Variants in PCSK2 observed in about 807,000 individuals in gnomAD.
PCSK2 encodes proprotein convertase subtilisin/kexin type 2.
PCSK2 carries 14 observed loss-of-function variants against 69.7 expected under a neutral mutation model. The ratio of observed to expected loss-of-function variants is 0.20; its 90% CI spans 0.13 to 0.31. The LOEUF (loss-of-function observed/expected upper bound fraction) is 0.31, where lower values mean the gene tolerates loss of function less well. Ranked by LOEUF, PCSK2 falls within the 10% of genes least tolerant of loss-of-function variation. The probability of loss-of-function intolerance (pLI) is 1.00; values close to 1 mark genes in which losing one functional copy is unlikely to be tolerated. For synonymous variants in PCSK2, 307 were observed against 320.7 expected, an observed-to-expected ratio of 0.96 and a Z score of 0.46; for missense variants, 544 against 842.5, an observed-to-expected ratio of 0.65 and a Z score of 4.39.
rs1177006345 is a variant in PCSK2 at position 17,437,985 on chromosome 20, T to C, written c.885+1102T>C. 2.1e-4 allele frequency among the ~76,000 whole-genome samples: 31 copies of C among 150,040 alleles called. No homozygotes were observed. The South Asian group carries it at 4.2e-3, about 20-fold the overall frequency. On this transcript the variant is annotated intron_variant, in intron 8 of 11. Coordinates refer to ENST00000262545, the MANE Select transcript of PCSK2 (RefSeq NM_002594.5). Reference sequence around the variant, plus strand: ...CTGTCCTGGCTGCCAGGCCAGCAGTTCCCCCCCACCCACACCGTGCTCCCA... The same window carrying C: ...CTGTCCTGGCTGCCAGGCCAGCAGTCCCCCCCCACCCACACCGTGCTCCCA...
intron 6 of PCSK2, among the ~76,000 whole-genome samples, chr20:17,419,707 G>A (rs190055901): frequency 1.8e-4 from 27 of 152,306 alleles, no homozygotes; most frequent in Admixed American, 1.4e-3. Flanking sequence ...TGCAGCCCAC[G>A]TTTTGTCAAT....
chr20:17,325,914 C>T (rs1291016200), intron 2 of PCSK2, among the ~76,000 whole-genome samples: 2 of 152,182 alleles, frequency 1.3e-5, no homozygotes, highest in Admixed American at 6.5e-5. Context: ...CTCAAGCCAC[C>T]AGTGGGCTAG....
At chr20:17,419,895 A>C (rs890484243) in intron 6 of PCSK2, among the ~76,000 whole-genome samples, 1 of 152,252 alleles carries the variant, frequency 6.6e-6, no homozygotes, top group Admixed American at 6.5e-5. Context: ...GGGACGCAGC[A>C]TACTCTATCT....
chr20:17,244,577 C>A (rs1302300416), intron 1 of PCSK2, among the ~76,000 whole-genome samples: 1 of 152,170 alleles, frequency 6.6e-6, no homozygotes, highest in Non-Finnish European at 1.5e-5. Context: ...CCTTTAAATT[C>A]TAGGAGTGGA....
chr20:17,293,197 C>G (rs980612921), intron 2 of PCSK2, among the ~76,000 whole-genome samples: 3 of 152,156 alleles, frequency 2.0e-5, no homozygotes, highest in Non-Finnish European at 4.4e-5. Context: ...TGATTTTCTC[C>G]AGCTTGCTGA....
At chr20:17,271,607 AGAGTGGTGGG>A (rs1987869129) in intron 2 of PCSK2, among the ~76,000 whole-genome samples, 1 of 152,014 alleles carries the variant, frequency 6.6e-6, no homozygotes, top group South Asian at 2.1e-4. Context: ...AACACAACAG[AGAGTGGTGGG>A]GACTGTGGTG....
At position 17,227,246 on chromosome 20, in the gene PCSK2, G is replaced by T; in HGVS notation, c.-60G>T. 8.2e-7 allele frequency: 1 copy of T among 1,221,564 alleles called. No individual in the cohort carries two copies. The allele number at this position is 1,221,564 out of a possible 1,614,324, so 75.7% of individuals were successfully genotyped here. On this transcript the variant is annotated 5_prime_UTR_variant, in exon 1 of 12. Transcript: ENST00000262545. ...AATTCTTTATTTGCACCCTCCCTCC[G>T]AGTCCCCTGCTCCGCCAGCCTGCGC...
upstream of PCSK2, among the ~76,000 whole-genome samples, chr20:17,226,829 C>G (rs1394825514): frequency 4.6e-5 from 6 of 129,632 alleles, no homozygotes; most frequent in Non-Finnish European, 9.5e-5. Flanking sequence ...GCTGCGCCCC[C>G]AGAAGGCGGA....
chr20:17,250,563 T>G (rs970856355), intron 1 of PCSK2, among the ~76,000 whole-genome samples: 3 of 152,214 alleles, frequency 2.0e-5, no homozygotes, highest in Non-Finnish European at 2.9e-5. Context: ...CTATTGGAGA[T>G]GTTTGCCGGC....
At chr20:17,303,204 T>G (rs1989145648) in intron 2 of PCSK2, among the ~76,000 whole-genome samples, 1 of 143,446 alleles carries the variant, frequency 7.0e-6, no homozygotes, top group Admixed American at 7.2e-5. Flanking sequence ...TTTATATTAT[T>G]ATAATATAAC....
At chr20:17,419,758 T>C (rs1332284543) in intron 6 of PCSK2, among the ~76,000 whole-genome samples, 1 of 152,216 alleles carries the variant, frequency 6.6e-6, no homozygotes, top group Admixed American at 6.5e-5. Flanking sequence ...TGTTTGGTGA[T>C]GCATTGCAGA....
At chr20:17,475,156 G>T (rs536351815) in intron 11 of PCSK2, among the ~76,000 whole-genome samples, 1 of 152,028 alleles carries the variant, frequency 6.6e-6, no homozygotes, top group Admixed American at 6.6e-5. Flanking sequence ...ACCCACCGGG[G>T]GCTTTGGAGC....
At chr20:17,320,584 C>T (rs1276720147) in intron 2 of PCSK2, among the ~76,000 whole-genome samples, 3 of 152,208 alleles carry the variant, frequency 2.0e-5, no homozygotes, top group African/African-American at 7.2e-5. Flanking sequence ...GCAACTGGGA[C>T]TCAGGCTTGC....
At chr20:17,329,587 C>A (rs16998928) in intron 2 of PCSK2, among the ~76,000 whole-genome samples, 1 of 152,164 alleles carries the variant, frequency 6.6e-6, no homozygotes, top group Non-Finnish European at 1.5e-5. Flanking sequence ...CCAAAATAGA[C>A]GGTCACCAAG....
At chr20:17,328,760 A>C (rs8118667) in intron 2 of PCSK2, among the ~76,000 whole-genome samples, 1,615 of 152,330 alleles carry the variant, frequency 0.011, 20 homozygotes, top group African/African-American at 0.036. Flanking sequence ...AACAACACAC[A>C]GTCAACTTGT....
intron 2 of PCSK2, among the ~76,000 whole-genome samples, chr20:17,275,515 G>A (rs1988034052): frequency 6.6e-6 from 1 of 152,070 alleles, no homozygotes; most frequent in African/African-American, 2.4e-5. Flanking sequence ...CGAAAACTGT[G>A]GACTTTTACT....
chr20:17,401,446 G>C (rs1270827267), intron 5 of PCSK2, among the ~76,000 whole-genome samples: 2 of 152,068 alleles, frequency 1.3e-5, no homozygotes, highest in Non-Finnish European at 2.9e-5. Context: ...TCCCGTTCAT[G>C]AGGGCTCCAC....
intron 7 of PCSK2, among the ~76,000 whole-genome samples, chr20:17,432,450 T>A (rs902248470): frequency 3.3e-5 from 5 of 152,234 alleles, no homozygotes; most frequent in African/African-American, 1.2e-4. Flanking sequence ...TATTTACATT[T>A]CCATTTTCAC....
chr20:17,263,317 A>G (rs995787568), intron 2 of PCSK2, among the ~76,000 whole-genome samples: 1 of 152,254 alleles, frequency 6.6e-6, no homozygotes, highest in Non-Finnish European at 1.5e-5. Flanking sequence ...CAATATGCAG[A>G]CAATAGCTAA....
Sources: gnomAD v4.1 joint callset for allele counts (sites outside exome capture counted in the v4.1 genomes callset) on GRCh38, gnomAD v4.1.1 for gene constraint, MANE v1.5 for transcripts, NCBI Gene and HGNC (gene_info 2026-07-23, HGNC 2026-07-21) for gene names.